The following LOC728743 variants were observed in gnomAD, a reference collection of about 807,000 sequenced individuals.
At chr7:150,406,965 G>C in the LOC728743 span, among the ~76,000 whole-genome samples, 1 of 152,032 alleles carries the variant, frequency 6.6e-6, no homozygotes, top group Non-Finnish European at 1.5e-5. Flanking sequence ...TTTTTTTCCT[G>C]TTTTAAGCTT....
the LOC728743 span, among the ~76,000 whole-genome samples, chr7:150,401,206 A>G: frequency 2.0e-5 from 3 of 152,318 alleles, no homozygotes; most frequent in Non-Finnish European, 4.4e-5. Flanking sequence ...TGGACCTAAG[A>G]AAGATGGTGT....
At chr7:150,410,073 C>G in the LOC728743 span, 4 of 398,408 alleles carry the variant, frequency 1.0e-5, no homozygotes, top group African/African-American at 2.1e-5. Flanking sequence ...GCCAGCTGAT[C>G]GCTCCCTCCT....
the LOC728743 span, among the ~76,000 whole-genome samples, chr7:150,406,845 C>T: frequency 6.6e-6 from 1 of 152,138 alleles, no homozygotes; most frequent in African/African-American, 2.4e-5. Context: ...GAGCCCACAC[C>T]CTGGTTCAGT....
At chr7:150,408,261 C>T in the LOC728743 span, 1 of 382,278 alleles carries the variant, frequency 2.6e-6, no homozygotes, top group East Asian at 3.8e-5. Flanking sequence ...GCTTCCCGCC[C>T]CGCACGTGCG....
chr7:150,403,380 C>T, the LOC728743 span, among the ~76,000 whole-genome samples: 1 of 152,138 alleles, frequency 6.6e-6, no homozygotes, highest in African/African-American at 2.4e-5. This position sits in a 1 kb window ranked among gnomAD's most constrained non-coding sequence, Gnocchi z 5.1. Flanking sequence ...GTGTTCTTTT[C>T]CTTTCTATTT....
chr7:150,407,373 G>T, the LOC728743 span, among the ~76,000 whole-genome samples: 1 of 152,210 alleles, frequency 6.6e-6, no homozygotes, highest in Non-Finnish European at 1.5e-5. Context: ...CTTGGGAAGG[G>T]ACTGGAAGGA....
the LOC728743 span, among the ~76,000 whole-genome samples, chr7:150,403,234 G>C: frequency 1.3e-5 from 2 of 152,130 alleles, no homozygotes; most frequent in African/African-American, 4.8e-5. The surrounding 1 kb of genome is among the most constrained non-coding windows in gnomAD (Gnocchi z 5.1). Flanking sequence ...GAGAAGTGAA[G>C]TGCCTGAGCT....
chr7:150,402,959 G>C, the LOC728743 span, among the ~76,000 whole-genome samples: 1 of 152,206 alleles, frequency 6.6e-6, no homozygotes, highest in African/African-American at 2.4e-5. Context: ...CGGGAGCCAT[G>C]GTCTGCTGTT....
chr7:150,404,952 C>T, the LOC728743 span: 945 of 152,522 alleles, frequency 6.2e-3, 1 homozygote, highest in Admixed American at 9.8e-3. Flanking sequence ...AAGGCCGGCG[C>T]CTCCGTCCGA....
the LOC728743 span, among the ~76,000 whole-genome samples, chr7:150,402,919 C>T: frequency 0.017 from 2,635 of 152,298 alleles, 69 homozygotes; most frequent in African/African-American, 0.061. Flanking sequence ...CCATGGTCTA[C>T]AGGAGCCACG....
chr7:150,410,802 T>C, the LOC728743 span: 1 of 152,184 alleles, frequency 6.6e-6, no homozygotes, highest in Non-Finnish European at 1.5e-5. Context: ...ATCCCTGGAC[T>C]CCAGGCTAAG....
the LOC728743 span, chr7:150,404,380 C>CCACGGTGCTGGGT: frequency 6.6e-6 from 1 of 152,152 alleles, no homozygotes; most frequent in Non-Finnish European, 1.5e-5. Context: ...ACAAGCTGGG[C>CCACGGTGCTGGGT]CACGGTGCTG....
the LOC728743 span, among the ~76,000 whole-genome samples, chr7:150,402,197 T>C: frequency 6.6e-6 from 1 of 152,226 alleles, no homozygotes. Flanking sequence ...ACATAAAGAA[T>C]TAACCATCTC....
chr7:150,407,506 T>G, the LOC728743 span: 1 of 397,986 alleles, frequency 2.5e-6, no homozygotes, highest in Non-Finnish European at 4.4e-6. Context: ...CCTGCCAGGC[T>G]GGGGGTTGGC....
the LOC728743 span, among the ~76,000 whole-genome samples, chr7:150,402,462 C>G: frequency 0.017 from 2,637 of 152,332 alleles, 68 homozygotes; most frequent in African/African-American, 0.061. Context: ...CTCTCTGCGC[C>G]GCCTGAGCTA....
At chr7:150,409,149 G>C in the LOC728743 span, among the ~76,000 whole-genome samples, 2 of 147,754 alleles carry the variant, frequency 1.4e-5, no homozygotes, top group African/African-American at 4.9e-5. Context: ...AAGGGAGGGG[G>C]GGTCCTGATA....
chr7:150,407,530 C>A, the LOC728743 span: 60 of 398,044 alleles, frequency 1.5e-4, no homozygotes, highest in Admixed American at 6.2e-4. Context: ...CCCTCGTGTT[C>A]CCCGACCCCT....
the LOC728743 span, chr7:150,410,529 C>A: frequency 3.7e-6 from 1 of 268,048 alleles, no homozygotes; most frequent in East Asian, 6.3e-5. Context: ...GGCTAGAGTT[C>A]AGAGACAGGA....
the LOC728743 span, chr7:150,404,747 C>CT: frequency 6.6e-6 from 1 of 152,492 alleles, no homozygotes; most frequent in South Asian, 2.1e-4. Flanking sequence ...CAGCAGGGGC[C>CT]TGATGTCTTC....
Sources: gnomAD v4.1 joint callset for allele counts (sites outside exome capture counted in the v4.1 genomes callset) on GRCh38, gnomAD v4.1.1 for gene constraint, Gnocchi (gnomAD v3.1) non-coding constraint, MANE v1.5 for transcripts.